The following FAT3 variants were observed in gnomAD, a reference collection of about 807,000 sequenced individuals.
The protein encoded by FAT3 is protocadherin Fat 3.
Under a neutral mutation model 310.2 loss-of-function variants are expected in FAT3, and 95 were observed. That is an observed-to-expected ratio of 0.31 (90% CI 0.26 to 0.36). FAT3 has a LOEUF of 0.36. Ranked by LOEUF, FAT3 falls within the 10% of genes least tolerant of loss-of-function variation. FAT3 has a pLI of 1.00. For synonymous variants in FAT3, 2,314 were observed against 2,192.9 expected (o/e 1.06, Z -1.54); for missense variants, 5,408 against 5,715.6 (o/e 0.95, Z 1.74).
At chr11:92,543,348 C>CA (rs1188150373) in intron 3 of FAT3, among the ~76,000 whole-genome samples, 20 of 152,108 alleles carry the variant, frequency 1.3e-4, no homozygotes, top group East Asian at 5.8e-4. Context: ...TCTCACCACA[C>CA]AAAAAAGGTA....
intron 1 of FAT3, among the ~76,000 whole-genome samples, chr11:92,308,478 G>C (rs1374220194): frequency 6.6e-6 from 1 of 151,924 alleles, no homozygotes; most frequent in African/African-American, 2.4e-5. Flanking sequence ...CAAAACCAGA[G>C]AAAAAAATAC....
chr11:92,456,758 T>G (rs1951504528), intron 2 of FAT3, among the ~76,000 whole-genome samples: 1 of 152,188 alleles, frequency 6.6e-6, no homozygotes, highest in African/African-American at 2.4e-5. Context: ...TATCAGCCAT[T>G]TATTAATGAT....
chr11:92,801,890 A>C lies in FAT3; in HGVS notation c.8877A>C (p.Gln2959His), dbSNP rs546666199. The C allele has an allele frequency of 1.7e-5, 27 of 1,613,694 alleles. No homozygotes were observed. The highest frequency in any genetic ancestry group is 2.2e-5 in the Non-Finnish European group (26 of 1,179,762). The change falls in exon 10 of 28, where the codon CAA becomes CAC. Residue 2959 changes from glutamine to histidine, a missense_variant. Gln to His is a conservative substitution (Grantham distance 24). Coordinates refer to ENST00000525166, the MANE Select transcript of FAT3 (RefSeq NM_001367949.2). ...GAGACACATCCGACGTTAATCGCCAAGTGAGCTACCATATTACAGGTGAGT... is the reference window on the plus strand; with the variant it reads ...GAGACACATCCGACGTTAATCGCCACGTGAGCTACCATATTACAGGTGAGT... Reference protein sequence around the residue: ...WDRDTSDVNRQVSYHITGGNP... With the variant: ...WDRDTSDVNRHVSYHITGGNP...
intron 2 of FAT3, among the ~76,000 whole-genome samples, chr11:92,428,525 T>A (rs1440387832): frequency 6.6e-6 from 1 of 152,194 alleles, no homozygotes; most frequent in Non-Finnish European, 1.5e-5. Flanking sequence ...CATTTAGTGC[T>A]GTAAATTTCC....
intron 9 of FAT3, 78 bp from the exon 10 acceptor site, chr11:92,797,758 C>T: frequency 8.0e-7 from 1 of 1,256,238 alleles, no homozygotes; most frequent in Non-Finnish European, 1.1e-6. Context: ...CAGTAAGGTA[C>T]CTATAGATAA....
intron 1 of FAT3, among the ~76,000 whole-genome samples, chr11:92,293,952 A>G (rs967643416): frequency 3.3e-5 from 5 of 152,168 alleles, no homozygotes; most frequent in African/African-American, 7.2e-5. Context: ...CAGATTTCCA[A>G]TGGGGCAGCT....
chr11:92,766,394 G>A (rs554677857), intron 6 of FAT3, among the ~76,000 whole-genome samples: 7 of 152,316 alleles, frequency 4.6e-5, no homozygotes, highest in Admixed American at 4.6e-4. Flanking sequence ...CCATGGCACT[G>A]CCTGGATAGG....
Position 92,831,818 on chromosome 11 carries a change from T to A in FAT3, c.9678T>A (p.Val3226=), listed in dbSNP as rs368370757. The A allele has an allele frequency of 6.2e-7, 1 of 1,613,498 alleles. No individual in the cohort carries two copies. Among genetic ancestry groups the A allele is most frequent in the Non-Finnish European group, 8.5e-7 (1 of 1,179,778 alleles). ...CTCTCACTACTGTCACCATCACCGT[T>A]CTGGACATTAATGACAACCCCCCTG... ...LSSLTTVTIT[V]LDINDNPPVF... Residue 3226 remains valine, a synonymous_variant, in exon 14 of 28, where the codon GTT becomes GTA. Coordinates refer to ENST00000525166, the MANE Select transcript of FAT3 (RefSeq NM_001367949.2).
At chr11:92,416,911 G>A (rs1452056201) in intron 2 of FAT3, among the ~76,000 whole-genome samples, 1 of 152,148 alleles carries the variant, frequency 6.6e-6, no homozygotes, top group Non-Finnish European at 1.5e-5. Context: ...ATGATGATGA[G>A]CACCAGGACA....
chr11:92,884,409 C>T (rs545518366), intron 24 of FAT3, among the ~76,000 whole-genome samples: 10 of 152,248 alleles, frequency 6.6e-5, no homozygotes, highest in Admixed American at 2.6e-4. Context: ...GATTGTTTTC[C>T]CTGCTGTAGT....
At position 92,792,760 on chromosome 11, in the gene FAT3, C is replaced by G; in HGVS notation, c.4612-7C>G. 1 of 1,613,122 alleles carries G rather than the reference C, an allele frequency of 6.2e-7. No individual in the cohort carries two copies. On this transcript the variant is annotated splice_region_variant and splice_polypyrimidine_tract_variant and intron_variant, in intron 8 of 27. Transcript: ENST00000525166. ...GAGTCCCACCACTTCTTGTATTTTG[C>G]CTAAAGGTCAGAGATCAGGAGTTTC...
At chr11:92,450,443 C>G (rs770588828) in intron 2 of FAT3, among the ~76,000 whole-genome samples, 7 of 151,936 alleles carry the variant, frequency 4.6e-5, no homozygotes, top group Non-Finnish European at 8.8e-5. Flanking sequence ...CATTAGGAGG[C>G]TTCTTGGAAG....
chr11:92,840,070 G>GT (rs1221813509), intron 17 of FAT3, among the ~76,000 whole-genome samples: 1 of 152,168 alleles, frequency 6.6e-6, no homozygotes, highest in Non-Finnish European at 1.5e-5. Context: ...ATATGCCTTT[G>GT]TATATTGACT....
At chr11:92,384,721 G>T (rs990536709) in intron 2 of FAT3, among the ~76,000 whole-genome samples, 3 of 152,136 alleles carry the variant, frequency 2.0e-5, no homozygotes, top group Admixed American at 2.0e-4. Context: ...ACATTCAAAA[G>T]GAATTTAAAG....
At chr11:92,447,224 T>TGTGC (rs1951239959) in intron 2 of FAT3, among the ~76,000 whole-genome samples, 1 of 24,776 alleles carries the variant, frequency 4.0e-5, no homozygotes, top group Non-Finnish European at 1.8e-4. Context: ...TATGTGTGCG[T>TGTGC]GTGTGTGTGT....
intron 3 of FAT3, among the ~76,000 whole-genome samples, chr11:92,695,442 C>A (rs573746204): frequency 6.6e-6 from 1 of 152,030 alleles, no homozygotes; most frequent in Non-Finnish European, 1.5e-5. Context: ...GACAGTAGCT[C>A]TTTACATCCA....
At chr11:92,762,540 T>C (rs1322284812) in intron 5 of FAT3, among the ~76,000 whole-genome samples, 2 of 151,994 alleles carry the variant, frequency 1.3e-5, no homozygotes, top group African/African-American at 4.8e-5. Flanking sequence ...ACTGAACATA[T>C]CTCTCAACAT....
intron 2 of FAT3, among the ~76,000 whole-genome samples, chr11:92,484,973 G>A (rs997365604): frequency 6.6e-6 from 1 of 152,202 alleles, no homozygotes; most frequent in African/African-American, 2.4e-5. Context: ...GCACACATAT[G>A]TATTTGTATA....
intron 1 of FAT3, among the ~76,000 whole-genome samples, chr11:92,263,583 A>G (rs1270113627): frequency 6.6e-6 from 1 of 151,874 alleles, no homozygotes; most frequent in Non-Finnish European, 1.5e-5. Flanking sequence ...CATTTATTCT[A>G]AAATGTTGAG....
Sources: allele counts gnomAD v4.1 joint callset (sites outside exome capture counted in the v4.1 genomes callset), GRCh38; gene constraint gnomAD v4.1.1; transcripts MANE v1.5; gene names NCBI Gene and HGNC (gene_info 2026-07-23, HGNC 2026-07-21).